The following ARMCX4 variants were observed in gnomAD, a reference collection of about 807,000 sequenced individuals.
ARMCX4 encodes the protein armadillo repeat-containing X-linked protein 4.
A neutral mutation model predicts 34.7 loss-of-function variants in ARMCX4; 3 were observed. The observed-to-expected ratio is 0.09, with a 90% confidence interval of 0.04 to 0.22. The LOEUF is 0.22. ARMCX4 is among the 10% of genes least tolerant of loss of function. The probability of loss-of-function intolerance (pLI) is 1.00; values close to 1 mark genes in which losing one functional copy is unlikely to be tolerated. For missense variants in ARMCX4, 1,448 were observed against 1,720.8 expected (o/e 0.84, Z 2.81); for synonymous variants, 513 against 632.8 (o/e 0.81, Z 2.84).
Position 101,489,861 on chromosome X carries a change from C to T in ARMCX4, c.1272C>T (p.Pro424=). The T allele has an allele frequency of 8.6e-7, 1 of 1,156,103 alleles. No homozygotes were observed. ...CTAAGGTTAAGAACAGAGGCAATCC[C>T]AATGCCATGACTAAAGCAGGGGCCA... ...SDAKVKNRGN[P]NAMTKAGAKA... Residue 424 remains proline, a synonymous_variant, in exon 6 of 6, where the codon CCC becomes CCT. Transcript: ENST00000423738.
At chrX:101,479,669 C>A (rs1363339262) in intron 4 of ARMCX4, among the ~76,000 whole-genome samples, 1 of 109,072 alleles carries the variant, frequency 9.2e-6, no homozygotes, top group Non-Finnish European at 1.9e-5. Context: ...TTAGTAAAGA[C>A]GAGGTTTCAC....
Position 101,493,977 on chromosome X carries a change from A to AGGC in ARMCX4, c.5388_5389insGGC (p.Arg1796_Ser1797insGly). On this transcript the variant is annotated inframe_insertion, in exon 6 of 6. Transcript: ENST00000423738. ...AGGCTAGTAGTGGCTCCTGGATTAG[A>AGGC]TCTGAGGAGGTGGCTTATATGGGCT... 1 of 769,809 alleles carries AGGC rather than the reference A, an allele frequency of 1.3e-6. No homozygotes were observed. The highest frequency in any genetic ancestry group is 1.5e-6 in the Non-Finnish European group (1 of 648,778). The allele number at this position is 769,809 out of a possible 1,213,427, so 63.4% of individuals were successfully genotyped here. A position where few individuals can be genotyped will look rare whatever the true frequency, so the allele number is the denominator to read the frequency against.
chrX:101,433,116 A>ACG (rs1569315201), intron 2 of ARMCX4, among the ~76,000 whole-genome samples: 1 of 108,488 alleles, frequency 9.2e-6, no homozygotes, highest in Non-Finnish European at 1.9e-5. Flanking sequence ...ACGTATACAC[A>ACG]TGTATGTATA....
chrX:101,432,511 A>G (rs1173272738), intron 2 of ARMCX4, among the ~76,000 whole-genome samples: 1 of 109,810 alleles, frequency 9.1e-6, no homozygotes, highest in Non-Finnish European at 1.9e-5. Context: ...AAATACAGAA[A>G]TTAGCCAGGT....
chrX:101,458,509 T>C (rs1603160747), intron 4 of ARMCX4, among the ~76,000 whole-genome samples: 1 of 103,797 alleles, frequency 9.6e-6, no homozygotes, highest in African/African-American at 3.6e-5. Flanking sequence ...TAATTCAATA[T>C]CCCCCCCCTT....
chrX:101,426,091 G>A (rs1603074277), intron 2 of ARMCX4, among the ~76,000 whole-genome samples: 1 of 111,492 alleles, frequency 9.0e-6, no homozygotes, highest in Admixed American at 9.7e-5. Flanking sequence ...CCAAAGTGCT[G>A]GGATTACAGT....
At chrX:101,485,367 G>T (rs951176128), upstream of ARMCX4, 34 of 159,592 alleles carry the variant, frequency 2.1e-4, no homozygotes, top group Non-Finnish European at 3.4e-4. Flanking sequence ...GTGGTAGGGG[G>T]TGCTGGGGAG....
At chrX:101,437,838 A>G (rs782660353) in intron 2 of ARMCX4, among the ~76,000 whole-genome samples, 9 of 111,937 alleles carry the variant, frequency 8.0e-5, no homozygotes, top group African/African-American at 2.6e-4. Flanking sequence ...AGATGCTGAT[A>G]TGTTCTGTCT....
chrX:101,427,663 G>A (rs903883759), intron 2 of ARMCX4, among the ~76,000 whole-genome samples: 2 of 111,657 alleles, frequency 1.8e-5, no homozygotes, highest in African/African-American at 6.5e-5. Context: ...TTACAGGCAT[G>A]AGCCACTGTG....
intron 3 of ARMCX4, 146 bp downstream of exon 3, chrX:101,487,418 G>C: frequency 9.4e-6 from 2 of 211,832 alleles, no homozygotes; most frequent in Non-Finnish European, 1.8e-5. Flanking sequence ...GAAATGATAG[G>C]AATATGGGGG....
chrX:101,431,867 T>C (rs1249059427), intron 2 of ARMCX4, among the ~76,000 whole-genome samples: 1 of 112,380 alleles, frequency 8.9e-6, no homozygotes, highest in Non-Finnish European at 1.9e-5. Context: ...TAAAGGCATA[T>C]ATAGTGATTG....
At chrX:101,442,191 G>A (rs1259354983) in intron 2 of ARMCX4, among the ~76,000 whole-genome samples, 1 of 112,449 alleles carries the variant, frequency 8.9e-6, no homozygotes, top group Non-Finnish European at 1.9e-5. Flanking sequence ...CATCAGGGAG[G>A]ATTCCTAGCG....
At chrX:101,441,591 T>C (rs782489033) in intron 2 of ARMCX4, among the ~76,000 whole-genome samples, 14 of 104,753 alleles carry the variant, frequency 1.3e-4, no homozygotes, top group Non-Finnish European at 2.0e-4. Context: ...TATACATACA[T>C]ACACACACAC....
intron 7 of ARMCX4, among the ~76,000 whole-genome samples, chrX:101,503,926 T>C (rs1303666719): frequency 1.8e-5 from 2 of 110,833 alleles, no homozygotes; most frequent in South Asian, 3.7e-4. Flanking sequence ...TTAGGTCTAA[T>C]ATTTAAGTCT....
chrX:101,438,336 G>T (rs1417575451), intron 2 of ARMCX4, among the ~76,000 whole-genome samples: 5 of 111,859 alleles, frequency 4.5e-5, no homozygotes, highest in African/African-American at 1.6e-4. Context: ...AGGCTGAAGT[G>T]GGCGGATCAC....
intron 4 of ARMCX4, among the ~76,000 whole-genome samples, chrX:101,469,645 C>T (rs191078556): frequency 3.0e-3 from 332 of 111,567 alleles, no homozygotes; most frequent in African/African-American, 9.3e-3. Flanking sequence ...ATCATATAAT[C>T]CCATGTTACC....
At position 101,489,930 on chromosome X, in the gene ARMCX4, T is replaced by C; in HGVS notation, c.1341T>C (p.Asp447=). 4.3e-6 allele frequency: 5 copies of C among 1,155,841 alleles called. No homozygotes were observed. The highest frequency in any genetic ancestry group is 5.7e-6 in the Non-Finnish European group (5 of 872,894). ...RANSQVEALP[D]ARDKSRGNPN... Reference sequence around the variant, plus strand: ...ATTCCCAGGTTGAGGCCTTGCCTGATGCCAGGGATAAGAGCAGAGGCAATC... The same window carrying C: ...ATTCCCAGGTTGAGGCCTTGCCTGACGCCAGGGATAAGAGCAGAGGCAATC... Residue 447 remains aspartate, a synonymous_variant, in exon 6 of 6, where the codon GAT becomes GAC. Transcript: ENST00000423738.
chrX:101,447,087 G>A (rs1555998215), downstream of ARMCX4, among the ~76,000 whole-genome samples: 1 of 112,181 alleles, frequency 8.9e-6, no homozygotes, highest in Admixed American at 9.5e-5. Flanking sequence ...TTACAGGGCT[G>A]CTTGAGTGTA....
chrX:101,474,588 G>T (rs1169896040), intron 4 of ARMCX4, among the ~76,000 whole-genome samples: 2 of 104,255 alleles, frequency 1.9e-5, no homozygotes, highest in Non-Finnish European at 3.9e-5. Context: ...GAATCCAGCA[G>T]CACATCAAAA....
Sources: gnomAD v4.1 joint callset for allele counts (sites outside exome capture counted in the v4.1 genomes callset) on GRCh38, gnomAD v4.1.1 for gene constraint, MANE v1.5 for transcripts, NCBI Gene and HGNC (gene_info 2026-07-23, HGNC 2026-07-21) for gene names.